MAD1L1: variants seen among roughly 807,000 people sequenced by gnomAD.
MAD1L1 encodes the protein mitotic arrest deficient 1 like 1, also known as mitotic spindle assembly checkpoint protein MAD1.
Under a neutral mutation model 96.9 loss-of-function variants are expected in MAD1L1, and 95 were observed. The ratio of observed to expected loss-of-function variants is 0.98; its 90% CI spans 0.83 to 1.16. MAD1L1 has a LOEUF of 1.16. Among genes scored for constraint, MAD1L1 ranks in the 50% most tolerant of loss-of-function variants. The probability of loss-of-function intolerance (pLI) is 0.00; values close to 1 mark genes in which losing one functional copy is unlikely to be tolerated. For missense variants in MAD1L1, 1,007 were observed against 954.4 expected, an observed-to-expected ratio of 1.06 and a Z score of -0.73; for synonymous variants, 473 against 396.6, an observed-to-expected ratio of 1.19 and a Z score of -2.29.
chr7:2,124,115 G>T (rs902576329), intron 11 of MAD1L1, among the ~76,000 whole-genome samples: 1 of 152,324 alleles, frequency 6.6e-6, no homozygotes, highest in South Asian at 2.1e-4. Context: ...AGATGCAGCC[G>T]GGAGCCCCCA....
At chr7:2,012,737 C>T (rs1410201198) in intron 13 of MAD1L1, among the ~76,000 whole-genome samples, 1 of 152,210 alleles carries the variant, frequency 6.6e-6, no homozygotes, top group East Asian at 1.9e-4. Flanking sequence ...GGGGACACGG[C>T]ATAGTTCCAG....
intron 18 of MAD1L1, among the ~76,000 whole-genome samples, chr7:1,857,521 C>T (rs765942198): frequency 2.6e-5 from 4 of 152,228 alleles, no homozygotes; most frequent in Admixed American, 6.5e-5. Flanking sequence ...ACAGGACGGT[C>T]CCCTCGCTGC....
chr7:2,089,532 C>T (rs1476902328), intron 11 of MAD1L1, among the ~76,000 whole-genome samples: 2 of 152,220 alleles, frequency 1.3e-5, no homozygotes, highest in Non-Finnish European at 1.5e-5. Context: ...AGGTATGTAT[C>T]AGCAGCATGA....
intron 18 of MAD1L1, among the ~76,000 whole-genome samples, chr7:1,886,989 C>T (rs116216782): frequency 0.01 from 1,545 of 152,398 alleles, 28 homozygotes; most frequent in African/African-American, 0.034. Flanking sequence ...TGTCAGTGAC[C>T]GCATGGCAGC....
intron 12 of MAD1L1, among the ~76,000 whole-genome samples, chr7:2,053,108 G>C (rs551198908): frequency 6.6e-6 from 1 of 152,330 alleles, no homozygotes; most frequent in African/African-American, 2.4e-5. Context: ...ACAGCTACAC[G>C]TCTTGCGACT....
chr7:1,868,977 C>T lies in MAD1L1; in HGVS notation c.1998+29223G>A, dbSNP rs550282343. Among the ~76,000 whole-genome samples, 12 of 152,334 alleles carry T rather than the reference C, an allele frequency of 7.9e-5. 1 individual carries two copies. The South Asian group carries it at 2.3e-3, about 29-fold the overall frequency. ...GCTAGCCCGGCACAGCCCAAACCCTCGCGTGTGTAGGACTCCCCCAAGGCT... is the reference window on the plus strand; with the variant it reads ...GCTAGCCCGGCACAGCCCAAACCCTTGCGTGTGTAGGACTCCCCCAAGGCT... On this transcript the variant is annotated intron_variant, in intron 18 of 18. Transcript: ENST00000265854.
intron 12 of MAD1L1, among the ~76,000 whole-genome samples, chr7:2,068,174 GCTT>G (rs980191524): frequency 1.6e-4 from 25 of 152,212 alleles, no homozygotes; most frequent in African/African-American, 3.1e-4. Context: ...CAAAGCCAGG[GCTT>G]TGGGGTCAGC....
At chr7:1,944,639 T>C (rs555214827) in intron 16 of MAD1L1, among the ~76,000 whole-genome samples, 69 of 152,230 alleles carry the variant, frequency 4.5e-4, no homozygotes, top group African/African-American at 1.6e-3. Flanking sequence ...AATGTGAGGC[T>C]GAAGGGGATC....
intron 17 of MAD1L1, among the ~76,000 whole-genome samples, chr7:1,900,994 TG>T (rs2128443582): frequency 6.6e-6 from 1 of 152,172 alleles, no homozygotes; most frequent in Non-Finnish European, 1.5e-5. Flanking sequence ...CACTCACTCC[TG>T]GGGCCACTCT....
At chr7:2,081,448 T>C (rs1380151862) in intron 11 of MAD1L1, among the ~76,000 whole-genome samples, 1 of 152,094 alleles carries the variant, frequency 6.6e-6, no homozygotes, top group Non-Finnish European at 1.5e-5. Context: ...CCGGGAAACC[T>C]CAGGACACAT....
At chr7:2,219,675 G>C in intron 5 of MAD1L1, among the ~76,000 whole-genome samples, 1 of 133,716 alleles carries the variant, frequency 7.5e-6, no homozygotes, top group Non-Finnish European at 1.6e-5. Context: ...GGCAAGGGGG[G>C]CAGAGGGCAG....
At chr7:2,081,387 C>G (rs1785637765) in intron 11 of MAD1L1, among the ~76,000 whole-genome samples, 1 of 152,348 alleles carries the variant, frequency 6.6e-6, no homozygotes, top group South Asian at 2.1e-4. Context: ...ATCCACGTAT[C>G]AGTCCCACTC....
chr7:2,139,512 C>T (rs1391125765), intron 11 of MAD1L1, among the ~76,000 whole-genome samples: 1 of 152,254 alleles, frequency 6.6e-6, no homozygotes, highest in African/African-American at 2.4e-5. Context: ...CTACCAATGA[C>T]CCAGCACCCT....
chr7:2,020,934 A>G (rs1782760460), intron 12 of MAD1L1, among the ~76,000 whole-genome samples: 1 of 152,248 alleles, frequency 6.6e-6, no homozygotes, highest in African/African-American at 2.4e-5. Flanking sequence ...GAAAAAAAAC[A>G]AAACAACATA....
intron 12 of MAD1L1, among the ~76,000 whole-genome samples, chr7:2,020,484 A>T (rs1362158358): frequency 6.6e-6 from 1 of 152,214 alleles, no homozygotes; most frequent in Non-Finnish European, 1.5e-5. Flanking sequence ...ACCGAGCCGC[A>T]GGGGGACGCC....
chr7:2,230,248 G>T, intron 2 of MAD1L1, 105 bp from the exon 3 acceptor site: 1 of 822,758 alleles, frequency 1.2e-6, no homozygotes, highest in Non-Finnish European at 1.9e-6. Flanking sequence ...AACGCACATT[G>T]GAGCTCATAA....
intron 18 of MAD1L1, among the ~76,000 whole-genome samples, chr7:1,885,316 G>A (rs746905965): frequency 5.3e-5 from 8 of 152,146 alleles, no homozygotes; most frequent in Non-Finnish European, 1.0e-4. Context: ...CGTCCCTCTC[G>A]CGGGTCCTTT....
At chr7:2,078,167 C>T (rs763401521) in intron 11 of MAD1L1, among the ~76,000 whole-genome samples, 13 of 152,124 alleles carry the variant, frequency 8.5e-5, no homozygotes, top group Admixed American at 1.3e-4. Flanking sequence ...TCTGAGGAGC[C>T]GCCTGAGAAT....
At chr7:2,009,997 C>T (rs1782219255) in intron 13 of MAD1L1, among the ~76,000 whole-genome samples, 1 of 152,116 alleles carries the variant, frequency 6.6e-6, no homozygotes, top group Non-Finnish European at 1.5e-5. Flanking sequence ...GCAGAGGCTC[C>T]CACAGCCCAG....
Sources: allele counts gnomAD v4.1 joint callset (sites outside exome capture counted in the v4.1 genomes callset), GRCh38; gene constraint gnomAD v4.1.1; transcripts MANE v1.5; gene names NCBI Gene and HGNC (gene_info 2026-07-23, HGNC 2026-07-21).